The following CCDC102B variants were observed in gnomAD, a reference collection of about 807,000 sequenced individuals.
The protein encoded by CCDC102B is coiled-coil domain-containing protein 102B.
A neutral mutation model predicts 57.4 loss-of-function variants in CCDC102B; 75 were observed. The ratio of observed to expected loss-of-function variants is 1.31; its 90% CI spans 1.08 to 1.58. The LOEUF is 1.58. CCDC102B is among the 40% of genes most tolerant of loss of function. CCDC102B has a pLI of 0.00. For missense variants in CCDC102B, 636 were observed against 582.6 expected, an observed-to-expected ratio of 1.09 and a Z score of -0.94; for synonymous variants, 206 against 201.9, an observed-to-expected ratio of 1.02 and a Z score of -0.17.
intron 5 of CCDC102B, among the ~76,000 whole-genome samples, chr18:68,878,384 C>T (rs2039534775): frequency 6.6e-6 from 1 of 152,146 alleles, no homozygotes; most frequent in Non-Finnish European, 1.5e-5. Flanking sequence ...AGGCGTGAGC[C>T]ACCACGCCTG....
At chr18:69,047,475 C>A (rs938079318) in intron 7 of CCDC102B, among the ~76,000 whole-genome samples, 2 of 151,988 alleles carry the variant, frequency 1.3e-5, no homozygotes, top group South Asian at 4.2e-4. Context: ...CTGTGATAAC[C>A]AGTACAAGAT....
At chr18:68,956,361 A>AATATATAT (rs1568351929) in intron 6 of CCDC102B, among the ~76,000 whole-genome samples, 3,577 of 53,390 alleles carry the variant, frequency 0.067, 423 homozygotes, top group African/African-American at 0.23. Context: ...AATATATATA[A>AATATATAT]TATATATATA....
rs1474286260 is a variant in CCDC102B at position 69,054,543 on chromosome 18, A to C, written c.*406A>C. ...GTACTGGTTTGTTTAAATAATTGGT[A>C]AACTTTTATGTACGTGTTGTCTATG... On this transcript the variant is annotated 3_prime_UTR_variant, in exon 8 of 8. Coordinates refer to ENST00000360242, the MANE Select transcript of CCDC102B (RefSeq NM_024781.3). 6.1e-6 allele frequency: 6 copies of C among 990,390 alleles called. No individual in the cohort carries two copies. Among genetic ancestry groups the C allele is most frequent in the Non-Finnish European group, 7.2e-6 (6 of 833,696 alleles). 61.4% of individuals were successfully genotyped at this position (990,390 alleles called of 1,614,324 possible). A position where few individuals can be genotyped will look rare whatever the true frequency, so the allele number is the denominator to read the frequency against.
chr18:68,758,487 C>T (rs1195825536), intron 2 of CCDC102B, among the ~76,000 whole-genome samples: 1 of 151,854 alleles, frequency 6.6e-6, no homozygotes, highest in Admixed American at 6.6e-5. Context: ...CTGGAAAACT[C>T]TAGTGCTCTA....
Position 68,836,866 on chromosome 18 carries a change from C to G in CCDC102B, c.103C>G (p.Pro35Ala), listed in dbSNP as rs557397885. 5 of 1,610,826 alleles carry G rather than the reference C, an allele frequency of 3.1e-6. No individual in the cohort carries two copies. In the Admixed American group the frequency reaches 8.3e-5, roughly 27 times the overall value. Residue 35 changes from proline to alanine, a missense_variant, in exon 2 of 8, where the codon CCC (proline) becomes GCC (alanine). Physicochemically the swap from Pro to Ala is conservative, Grantham distance 27. Transcript: ENST00000360242. ...SRGDMVAPAS[P>A]PRDTCNTCFP... ...CGGCGACATGGTGGCACCTGCCTCACCCCCCAGGGATACCTGTAATACCTG... is the reference window on the plus strand; with the variant it reads ...CGGCGACATGGTGGCACCTGCCTCAGCCCCCAGGGATACCTGTAATACCTG...
Position 69,011,075 on chromosome 18 carries a change from A to C in CCDC102B, c.1405A>C (p.Lys469Gln), listed in dbSNP as rs2051502206. 1 of 1,613,666 alleles carries C rather than the reference A, an allele frequency of 6.2e-7. No homozygotes were observed. Among genetic ancestry groups the C allele is most frequent in the African/African-American group, 1.3e-5 (1 of 74,878 alleles). Residue 469 changes from lysine (K) to glutamine (Q), a missense_variant, in exon 7 of 8, where the codon AAG becomes CAG. Transcript: ENST00000360242. ...KKLRLRVEELKQGLNQKEDEL... is the reference protein window; with the variant it reads ...KKLRLRVEELQQGLNQKEDEL... ...ACTAAGATTACGAGTGGAAGAACTA[A>C]AGCAGGGACTCAATCAAAAAGAAGA...
intron 2 of CCDC102B, among the ~76,000 whole-genome samples, chr18:68,757,225 G>A (rs2034081648): frequency 6.6e-6 from 1 of 152,070 alleles, no homozygotes; most frequent in Admixed American, 6.6e-5. Flanking sequence ...ATAAAGATAT[G>A]GTATTAGCTT....
intron 6 of CCDC102B, among the ~76,000 whole-genome samples, chr18:68,972,782 G>A (rs538174871): frequency 3.3e-5 from 5 of 152,064 alleles, no homozygotes; most frequent in African/African-American, 9.6e-5. Context: ...AGTAATTTCC[G>A]GGTGAGTTTT....
chr18:69,016,675 T>C (rs2051677688), intron 7 of CCDC102B, among the ~76,000 whole-genome samples: 1 of 152,206 alleles, frequency 6.6e-6, no homozygotes, highest in Non-Finnish European at 1.5e-5. Context: ...GTAGTATTCA[T>C]AGTTGGCATT....
In CCDC102B at chr18:68,778,617, A is replaced by C. The variant is rs1296413512; in HGVS notation, c.-66-44749A>C. Among the ~76,000 whole-genome samples, 5 of 152,142 alleles carry C rather than the reference A, an allele frequency of 3.3e-5. No individual in the cohort carries two copies. The East Asian group carries it at 9.6e-4, about 29-fold the overall frequency. On this transcript the variant is annotated intron_variant, in intron 2 of 3. Coordinates refer to the CCDC102B transcript ENST00000578970. ...TTCCCTAAAGTCACTCAGTTAACTGAAATATGTTTATGTTAAAAAATTCCC... is the reference window on the plus strand; with the variant it reads ...TTCCCTAAAGTCACTCAGTTAACTGCAATATGTTTATGTTAAAAAATTCCC...
intron 2 of CCDC102B, among the ~76,000 whole-genome samples, chr18:68,786,313 C>CT (rs1234469157): frequency 6.7e-6 from 1 of 150,234 alleles, no homozygotes; most frequent in African/African-American, 2.5e-5. Flanking sequence ...AATGCGGGCT[C>CT]TTTTTTGGTT....
At chr18:68,763,958 C>T (rs943659264) in intron 2 of CCDC102B, among the ~76,000 whole-genome samples, 1 of 152,044 alleles carries the variant, frequency 6.6e-6, no homozygotes, top group Non-Finnish European at 1.5e-5. Flanking sequence ...CCTTGATCAT[C>T]GTTGCTTTCT....
chr18:68,927,198 T>C (rs2041502130), intron 6 of CCDC102B, among the ~76,000 whole-genome samples: 1 of 151,954 alleles, frequency 6.6e-6, no homozygotes, highest in African/African-American at 2.4e-5. Context: ...GAAATAATTT[T>C]TAACCTCATT....
At chr18:68,926,959 T>C (rs1202677422) in intron 6 of CCDC102B, among the ~76,000 whole-genome samples, 5 of 151,986 alleles carry the variant, frequency 3.3e-5, no homozygotes, top group Admixed American at 3.3e-4. Context: ...GTTAGCTGAT[T>C]AGATTTTTAC....
chr18:69,048,849 G>A (rs2052628796), intron 7 of CCDC102B, among the ~76,000 whole-genome samples: 1 of 151,974 alleles, frequency 6.6e-6, no homozygotes, highest in African/African-American at 2.4e-5. Flanking sequence ...TTCATCTTTA[G>A]CAGTGGTTTG....
intron 4 of CCDC102B, among the ~76,000 whole-genome samples, chr18:68,848,722 T>A (rs746025256): frequency 5.9e-5 from 9 of 152,024 alleles, no homozygotes; most frequent in Admixed American, 2.0e-4. Context: ...TTATGAATTC[T>A]GAGTGTGTGG....
intron 7 of CCDC102B, among the ~76,000 whole-genome samples, chr18:69,047,639 C>A (rs1453281564): frequency 1.3e-5 from 2 of 152,060 alleles, no homozygotes; most frequent in African/African-American, 2.4e-5. Context: ...TCTAAAAAAA[C>A]CTCATCATCT....
At position 68,867,866 on chromosome 18, in the gene CCDC102B, G is replaced by A. The variant is rs561917797; in HGVS notation, c.937-6803G>A. Among the ~76,000 whole-genome samples, 680 of 152,016 alleles carry A rather than the reference G, an allele frequency of 4.5e-3. 3 individuals are homozygous for A. The highest frequency in any genetic ancestry group is 0.01 in the Middle Eastern group (3 of 292). On this transcript the variant is annotated intron_variant, in intron 4 of 7. Transcript: ENST00000360242. ...GGAGAATGACATGAACCCGGGAGGC[G>A]GAGCTTGCAGTGAGCCGAGGTCATG...
At chr18:68,720,722 T>C (rs2032281159) in intron 2 of CCDC102B, among the ~76,000 whole-genome samples, 1 of 152,068 alleles carries the variant, frequency 6.6e-6, no homozygotes, top group Non-Finnish European at 1.5e-5. Flanking sequence ...GGTGAGTCTT[T>C]TTTAGCAAGT....
Sources: allele counts gnomAD v4.1 joint callset (sites outside exome capture counted in the v4.1 genomes callset), GRCh38; gene constraint gnomAD v4.1.1; transcripts MANE v1.5; gene names NCBI Gene and HGNC (gene_info 2026-07-23, HGNC 2026-07-21).